The following MCF2L variants were observed in gnomAD, a reference collection of about 807,000 sequenced individuals.
MCF2L encodes MCF.2 cell line derived transforming sequence like.
Under a neutral mutation model 153.4 loss-of-function variants are expected in MCF2L, and 97 were observed. The observed-to-expected ratio is 0.63, with a 90% CI of 0.54 to 0.75. MCF2L has a LOEUF of 0.75. MCF2L is among the 30% of genes least tolerant of loss of function. The pLI, the probability that MCF2L is intolerant of heterozygous loss-of-function variation, is 0.00. For missense variants in MCF2L, 1,347 were observed against 1,495.2 expected (o/e 0.90, Z 1.64); for synonymous variants, 659 against 632.2 (o/e 1.04, Z -0.64).
chr13:112,990,204 G>C (rs2082845535), intron 1 of MCF2L, among the ~76,000 whole-genome samples: 1 of 152,220 alleles, frequency 6.6e-6, no homozygotes. Flanking sequence ...TATCCTGAAA[G>C]TGCAGGAACT....
Position 113,074,456 on chromosome 13 carries a change from T to A in MCF2L, c.1009T>A (p.Leu337Met), listed in dbSNP as rs2033235895. The change falls in exon 10 of 30, where the codon TTG (leucine) becomes ATG (methionine). Residue 337 changes from leucine to methionine, a missense_variant. Coordinates refer to ENST00000535094, the MANE Select transcript of MCF2L (RefSeq NM_001112732.3). The surrounding 1 kb of genome is among the most constrained non-coding windows in gnomAD (Gnocchi z 4.2). Reference protein sequence around the residue: ...EQGFREVKAILDAASQKIATF... With the variant: ...EQGFREVKAIMDAASQKIATF... ...TCCTCTGTTCCAGGTCAAAGCCATCTTGGACGCAGCGTCCCAGAAGATAGC... is the reference window on the plus strand; with the variant it reads ...TCCTCTGTTCCAGGTCAAAGCCATCATGGACGCAGCGTCCCAGAAGATAGC... The A allele has an allele frequency of 6.2e-7, 1 of 1,613,724 alleles. No homozygotes were observed. Among genetic ancestry groups the A allele is most frequent in the Non-Finnish European group, 8.5e-7 (1 of 1,179,834 alleles).
intron 13 of MCF2L, among the ~76,000 whole-genome samples, chr13:113,077,420 G>C: frequency 6.6e-6 from 1 of 152,176 alleles, no homozygotes; most frequent in Non-Finnish European, 1.5e-5. Flanking sequence ...TCAGGACCCG[G>C]CCACGCCCAT....
chr13:113,096,993 G>C lies in MCF2L; in HGVS notation c.*134G>C. The stretch of plus-strand genomic sequence containing the variant: ...AGCGCCTGGCCGTGCGGGCTGCAGA[G>C]GACCCCTCCGGGGCAGAGGCAGGTT... On this transcript the variant is annotated 3_prime_UTR_variant, in exon 30 of 30. Transcript: ENST00000535094. 1 of 531,056 alleles carries C rather than the reference G, an allele frequency of 1.9e-6. No homozygotes were observed. The highest frequency in any genetic ancestry group is 2.9e-6 in the Non-Finnish European group (1 of 342,596). The allele number at this position is 531,056 out of a possible 1,614,324, so 32.9% of individuals were successfully genotyped here.
At chr13:112,935,978 C>T (rs1162790243) in intron 2 of MCF2L, among the ~76,000 whole-genome samples, 1 of 152,152 alleles carries the variant, frequency 6.6e-6, no homozygotes. Context: ...CCCTCGCAGC[C>T]TCAGAAGGAC....
At chr13:113,087,834 A>G (rs2034783947) in intron 23 of MCF2L, 35 bp downstream of exon 23, 5 of 1,542,354 alleles carry the variant, frequency 3.2e-6, no homozygotes, top group Non-Finnish European at 4.5e-6. Flanking sequence ...CCTCTTACAC[A>G]TTGCCACGAA....
intron 1 of MCF2L, among the ~76,000 whole-genome samples, chr13:113,013,824 A>AGTG: frequency 6.6e-6 from 1 of 152,348 alleles, no homozygotes; most frequent in African/African-American, 2.4e-5. Flanking sequence ...CCCCAGGCAC[A>AGTG]GTGGCCTGGC....
At chr13:112,990,008 G>A (rs1411959127) in intron 1 of MCF2L, among the ~76,000 whole-genome samples, 2 of 152,138 alleles carry the variant, frequency 1.3e-5, no homozygotes, top group African/African-American at 2.4e-5. Flanking sequence ...AGAATCAAAC[G>A]CCACTGCTGA....
In MCF2L at chr13:113,017,982, C is replaced by T. The variant is rs1300620351; in HGVS notation, c.163+3136C>T. 2.6e-5 allele frequency among the ~76,000 whole-genome samples: 4 copies of T among 152,234 alleles called. No homozygotes were observed. In the East Asian group the frequency reaches 5.8e-4, roughly 22 times the overall value. ...TTGCCCTGCTGATTTCCCCTCCCTG[C>T]GACGTTCGTGCCAGCCCTGTGCTGT... is the stretch of plus-strand genomic sequence containing the variant. On this transcript the variant is annotated intron_variant, in intron 2 of 29. Coordinates refer to ENST00000535094, the MANE Select transcript of MCF2L (RefSeq NM_001112732.3).
At position 112,993,335 on chromosome 13, in the gene MCF2L, A is replaced by C. The variant is rs2082969734; in HGVS notation, c.80-21428A>C. Reference sequence around the variant, plus strand: ...TTGGTGGGCAGTAGGGGCCGACCTGAGGGCTCTGGGGTCAACACCGGTCCA... The same window carrying C: ...TTGGTGGGCAGTAGGGGCCGACCTGCGGGCTCTGGGGTCAACACCGGTCCA... On this transcript the variant is annotated intron_variant, in intron 1 of 29. Coordinates refer to ENST00000535094, the MANE Select transcript of MCF2L (RefSeq NM_001112732.3). This position sits in a 1 kb window ranked among gnomAD's most constrained non-coding sequence, Gnocchi z 4.6. 6.6e-6 allele frequency among the ~76,000 whole-genome samples: 1 copy of C among 152,206 alleles called. No homozygotes were observed. The highest frequency in any genetic ancestry group is 6.5e-5 in the Admixed American group (1 of 15,284).
chr13:113,026,660 GCCCGTC>G (rs1166778925), intron 3 of MCF2L, among the ~76,000 whole-genome samples: 1 of 152,252 alleles, frequency 6.6e-6, no homozygotes, highest in Non-Finnish European at 1.5e-5. Context: ...TGGGAGCAGA[GCCCGTC>G]CACGTGGCCT....
rs2086814417 is a variant in MCF2L, at chr13:113,046,373, G to A, written c.369+1012G>A. On this transcript the variant is annotated intron_variant, in intron 4 of 29. Transcript: ENST00000535094. The surrounding 1 kb of genome is among the most constrained non-coding windows in gnomAD (Gnocchi z 4.4). ...GCTCTGGGACCCTGGGTCCTCAGCT[G>A]TGATGGCACAATTGCTCCAAGCATT... 4 of 380,212 alleles carry A rather than the reference G, an allele frequency of 1.1e-5. No individual in the cohort carries two copies. The Admixed American group carries it at 1.4e-4, about 13-fold the overall frequency. 23.6% of individuals were successfully genotyped at this position (380,212 alleles called of 1,614,324 possible). A position where few individuals can be genotyped will look rare whatever the true frequency, so the allele number is the denominator to read the frequency against.
chr13:112,978,602 C>G (rs2082293609), intron 1 of MCF2L, among the ~76,000 whole-genome samples: 2 of 152,182 alleles, frequency 1.3e-5, no homozygotes, highest in South Asian at 4.1e-4. Context: ...CAGGGACCCT[C>G]CATACGTTCT....
chr13:113,058,310 G>T (rs1302695557), intron 4 of MCF2L, among the ~76,000 whole-genome samples: 3 of 151,078 alleles, frequency 2.0e-5, no homozygotes, highest in Non-Finnish European at 4.4e-5. Flanking sequence ...GGCGTTGAGT[G>T]TTCGGGCACT....
chr13:113,001,635 C>T, intron 1 of MCF2L: 1 of 1,269,626 alleles, frequency 7.9e-7, no homozygotes, highest in South Asian at 2.5e-5. Context: ...GCCTCCCTGG[C>T]CGGGGCTCAG....
At chr13:112,972,191 T>C (rs2082057678) in intron 1 of MCF2L, among the ~76,000 whole-genome samples, 1 of 152,024 alleles carries the variant, frequency 6.6e-6, no homozygotes, top group Admixed American at 6.6e-5. Context: ...CAGATGATGA[T>C]AGATGGATAA....
intron 2 of MCF2L, chr13:112,909,361 C>T (rs1313759901): frequency 1.3e-6 from 1 of 774,506 alleles, no homozygotes; most frequent in African/African-American, 1.7e-5. Context: ...GGCCTCCCCG[C>T]CCAGCATGGG....
At chr13:113,011,850 C>T (rs1248696384) in intron 1 of MCF2L, among the ~76,000 whole-genome samples, 27 of 75,724 alleles carry the variant, frequency 3.6e-4, no homozygotes, top group Admixed American at 7.6e-4. Flanking sequence ...GGTGGACAGG[C>T]GGTGTGGACG....
rs2085424625 is a variant in MCF2L, at chr13:113,028,115, G to A, written c.278+3357G>A. Among the ~76,000 whole-genome samples the A allele has an allele frequency of 6.6e-6, 1 of 152,178 alleles. No individual in the cohort carries two copies. The highest frequency in any genetic ancestry group is 2.4e-5 in the African/African-American group (1 of 41,442). On this transcript the variant is annotated intron_variant, in intron 3 of 29. Coordinates refer to ENST00000535094, the MANE Select transcript of MCF2L (RefSeq NM_001112732.3). This position sits in a 1 kb window ranked among gnomAD's most constrained non-coding sequence, Gnocchi z 5.4. ...GGGCTGTTGTCAGTGCTTGCTACTT[G>A]GAGCCATGAGCTGGGGCGCCTCCTG...
At position 112,904,179 on chromosome 13, in the gene MCF2L, G is replaced by A. The variant is rs544113239; in HGVS notation, c.169+1808G>A. Among the ~76,000 whole-genome samples the A allele has an allele frequency of 6.6e-6, 1 of 151,566 alleles. No homozygotes were observed. The highest frequency in any genetic ancestry group is 2.1e-4 in the South Asian group (1 of 4,782). Reference sequence around the variant, plus strand: ...GTTAGGGTTAGGGGTTGGGACTGGGGTAGGGGTAGGTGTTAGGGGTAGGGG... The same window carrying A: ...GTTAGGGTTAGGGGTTGGGACTGGGATAGGGGTAGGTGTTAGGGGTAGGGG... On this transcript the variant is annotated intron_variant, in intron 2 of 29. Transcript: ENST00000375608. This position sits in a 1 kb window ranked among gnomAD's most constrained non-coding sequence, Gnocchi z 4.2.
Sources: gnomAD v4.1 joint callset for allele counts (sites outside exome capture counted in the v4.1 genomes callset) on GRCh38, gnomAD v4.1.1 for gene constraint, Gnocchi (gnomAD v3.1) non-coding constraint, MANE v1.5 for transcripts, NCBI Gene and HGNC (gene_info 2026-07-23, HGNC 2026-07-21) for gene names.